The following CABCOCO1 variants were observed in gnomAD, a reference collection of about 807,000 sequenced individuals.
CABCOCO1 encodes the protein ciliary associated calcium binding coiled-coil 1.
CABCOCO1 carries 28 observed loss-of-function variants against 35.7 expected under a neutral mutation model. That is an observed-to-expected ratio of 0.78 (90% CI 0.58 to 1.07). The LOEUF (loss-of-function observed/expected upper bound fraction) is 1.07. CABCOCO1 is among the 50% of genes least tolerant of loss of function. The probability of loss-of-function intolerance (pLI) is 0.00; values close to 1 mark genes in which losing one functional copy is unlikely to be tolerated. For missense variants in CABCOCO1, 326 were observed against 309.2 expected (o/e 1.05, Z -0.41); for synonymous variants, 95 against 100.1 (o/e 0.95, Z 0.30).
intron 2 of CABCOCO1, among the ~76,000 whole-genome samples, chr10:61,673,445 T>G (rs1317442901): frequency 6.6e-6 from 1 of 152,178 alleles, no homozygotes; most frequent in Non-Finnish European, 1.5e-5. Flanking sequence ...GTGGGGATGA[T>G]GTCATGCACT....
intron 4 of CABCOCO1, among the ~76,000 whole-genome samples, chr10:61,686,664 G>C (rs1315220393): frequency 6.6e-6 from 1 of 152,096 alleles, no homozygotes; most frequent in Non-Finnish European, 1.5e-5. Context: ...AAATTGAAGA[G>C]ATTTATGAAT....
chr10:61,686,196 T>C lies in CABCOCO1; in HGVS notation c.479+11T>C, dbSNP rs1229718470. On this transcript the variant is annotated intron_variant, in intron 4 of 7. Transcript: ENST00000648843. ...TTACTTAAAAATCAGGTATGGATTA[T>C]TTTCAGTAACATTTATTTTTCATTT... 2.0e-6 allele frequency: 3 copies of C among 1,526,436 alleles called. No individual in the cohort carries two copies. The highest frequency in any genetic ancestry group is 2.6e-6 in the Non-Finnish European group (3 of 1,141,072). 94.6% of individuals were successfully genotyped at this position (1,526,436 alleles called of 1,614,324 possible). A position where few individuals can be genotyped will look rare whatever the true frequency, so the allele number is the denominator to read the frequency against.
At chr10:61,696,179 A>G (rs1451564811) in intron 5 of CABCOCO1, among the ~76,000 whole-genome samples, 1 of 152,084 alleles carries the variant, frequency 6.6e-6, no homozygotes, top group Admixed American at 6.6e-5. Flanking sequence ...AGCCCTTCCC[A>G]TTGTTTTTGA....
chr10:61,752,186 G>C (rs1161291653), intron 5 of CABCOCO1, among the ~76,000 whole-genome samples: 1 of 152,064 alleles, frequency 6.6e-6, no homozygotes, highest in Non-Finnish European at 1.5e-5. Flanking sequence ...GGAATAAAAG[G>C]CTGCCTTGCC....
At chr10:61,737,741 G>C (rs186767338) in intron 5 of CABCOCO1, among the ~76,000 whole-genome samples, 1 of 152,232 alleles carries the variant, frequency 6.6e-6, no homozygotes, top group Non-Finnish European at 1.5e-5. Context: ...ACTTATAAGC[G>C]AGAGCTAAAT....
chr10:61,732,679 A>C (rs1841331361), intron 5 of CABCOCO1, among the ~76,000 whole-genome samples: 1 of 152,120 alleles, frequency 6.6e-6, no homozygotes, highest in Non-Finnish European at 1.5e-5. Flanking sequence ...TTTCAAATTT[A>C]ATAAAACTGT....
intron 5 of CABCOCO1, among the ~76,000 whole-genome samples, chr10:61,739,800 G>C (rs561054704): frequency 5.3e-5 from 8 of 152,134 alleles, no homozygotes; most frequent in Non-Finnish European, 1.2e-4. Flanking sequence ...AATTTAGCCA[G>C]GCATGGTGGC....
chr10:61,664,024 G>GTTTATAAATTTTAT (rs1839092289), intron 1 of CABCOCO1, among the ~76,000 whole-genome samples: 2 of 152,094 alleles, frequency 1.3e-5, no homozygotes, highest in Non-Finnish European at 2.9e-5. Context: ...TATAAATGAG[G>GTTTATAAATTTTAT]AAACACAAGG....
rs768883793 is a variant in CABCOCO1 at position 61,676,682 on chromosome 10, A to G, written c.164+3947A>G. 2.3e-4 allele frequency among the ~76,000 whole-genome samples: 35 copies of G among 152,286 alleles called. No individual in the cohort carries two copies. In the East Asian group the frequency reaches 3.7e-3, roughly 16 times the overall value. ...GTTAATATCCCTAAGTATGTGAAAA[A>G]CTTTTATAAACTTAAAAGAAAAAGT... On this transcript the variant is annotated intron_variant, in intron 2 of 7. Transcript: ENST00000648843.
intron 2 of CABCOCO1, among the ~76,000 whole-genome samples, chr10:61,676,944 G>T (rs1839529679): frequency 6.6e-6 from 1 of 151,860 alleles, no homozygotes; most frequent in Non-Finnish European, 1.5e-5. Flanking sequence ...GGTGCCTGTA[G>T]TCCCAGCTAT....
At chr10:61,667,075 A>G (rs1009497802) in intron 1 of CABCOCO1, among the ~76,000 whole-genome samples, 2 of 142,850 alleles carry the variant, frequency 1.4e-5, no homozygotes, top group African/African-American at 5.1e-5. Flanking sequence ...ATATAAGTAT[A>G]TATTATATAT....
intron 1 of CABCOCO1, among the ~76,000 whole-genome samples, chr10:61,665,081 A>G (rs543805565): frequency 2.0e-5 from 3 of 152,216 alleles, no homozygotes; most frequent in Non-Finnish European, 4.4e-5. Context: ...TCAGAAATAA[A>G]TCATAAGCTT....
At chr10:61,739,275 A>C (rs530857428) in intron 5 of CABCOCO1, among the ~76,000 whole-genome samples, 1 of 152,188 alleles carries the variant, frequency 6.6e-6, no homozygotes, top group African/African-American at 2.4e-5. Context: ...CTTGAAAGTG[A>C]AGTTTTATTT....
intron 5 of CABCOCO1, among the ~76,000 whole-genome samples, chr10:61,748,390 T>C (rs867570965): frequency 2.6e-5 from 4 of 152,218 alleles, no homozygotes; most frequent in African/African-American, 9.6e-5. Context: ...TTTAGCATTG[T>C]TGTAGACATA....
At chr10:61,760,301 C>T in intron 6 of CABCOCO1, 120 bp downstream of exon 6, 1 of 1,316,490 alleles carries the variant, frequency 7.6e-7, no homozygotes, top group Non-Finnish European at 1.0e-6. Flanking sequence ...CAACCAAATA[C>T]AAATATTTCT....
intron 5 of CABCOCO1, among the ~76,000 whole-genome samples, chr10:61,692,427 T>C (rs1589125231): frequency 6.6e-6 from 1 of 152,132 alleles, no homozygotes; most frequent in South Asian, 2.1e-4. Context: ...ATTAAAGAAA[T>C]AGTGCTTCTG....
intron 2 of CABCOCO1, among the ~76,000 whole-genome samples, chr10:61,679,259 A>G (rs905532505): frequency 9.3e-5 from 14 of 151,294 alleles, no homozygotes; most frequent in Middle Eastern, 3.4e-3. Flanking sequence ...GGATGCTCAT[A>G]GTCACAGAGC....
chr10:61,666,252 T>C (rs1436270851), intron 1 of CABCOCO1, among the ~76,000 whole-genome samples: 2 of 152,174 alleles, frequency 1.3e-5, no homozygotes, highest in African/African-American at 2.4e-5. Flanking sequence ...GGGGCTCAAT[T>C]GAGCAGCAAA....
In CABCOCO1 at chr10:61,720,340, A is replaced by T. The variant is rs187986282; in HGVS notation, c.552+29719A>T. Reference sequence around the variant, plus strand: ...ATTTTAGCAGCTTTACATGCAAAAAAAACTGTGGAACATTGTCAACAGGAT... The same window carrying T: ...ATTTTAGCAGCTTTACATGCAAAAATAACTGTGGAACATTGTCAACAGGAT... On this transcript the variant is annotated intron_variant, in intron 5 of 7. Transcript: ENST00000648843. Among the ~76,000 whole-genome samples, 547 of 152,348 alleles carry T rather than the reference A, an allele frequency of 3.6e-3. 5 individuals carry two copies. Among genetic ancestry groups the T allele is most frequent in the Middle Eastern group, 0.014 (4 of 294 alleles).
Sources: allele counts gnomAD v4.1 joint callset (sites outside exome capture counted in the v4.1 genomes callset), GRCh38; gene constraint gnomAD v4.1.1; transcripts MANE v1.5; gene names NCBI Gene and HGNC (gene_info 2026-07-23, HGNC 2026-07-21).